The following AGAP1 variants were observed in gnomAD, a reference collection of about 807,000 sequenced individuals.
AGAP1 encodes arf-GAP with GTPase, ANK repeat and PH domain-containing protein 1.
In AGAP1, 29 loss-of-function variants were observed where a neutral mutation model predicts 105.3. The ratio of observed to expected loss-of-function variants is 0.28; its 90% CI spans 0.21 to 0.38. The LOEUF is 0.38. Ranked by LOEUF, AGAP1 falls within the 10% of genes least tolerant of loss-of-function variation. AGAP1 has a pLI of 1.00. For synonymous variants in AGAP1, 509 were observed against 485.9 expected, an observed-to-expected ratio of 1.05 and a Z score of -0.63; for missense variants, 998 against 1,165.1, an observed-to-expected ratio of 0.86 and a Z score of 2.09.
Position 235,968,532 on chromosome 2 carries a change from G to GC in AGAP1, c.1560dup (p.Ser521LeufsTer16). 1 of 1,466,658 alleles carries GC rather than the reference G, an allele frequency of 6.8e-7. No individual in the cohort carries two copies. Among genetic ancestry groups the GC allele is most frequent in the Non-Finnish European group, 9.0e-7 (1 of 1,113,530 alleles). The allele number at this position is 1,466,658 out of a possible 1,614,324, so 90.9% of individuals were successfully genotyped here. A position where few individuals can be genotyped will look rare whatever the true frequency, so the allele number is the denominator to read the frequency against. On this transcript the variant is annotated frameshift_variant, in exon 13 of 18. Coordinates refer to ENST00000304032, the MANE Select transcript of AGAP1 (RefSeq NM_001037131.3). LOFTEE classifies it high-confidence loss of function. Reference sequence around the variant, plus strand: ...GCACCACCAGCCCCAAGCTCGACCCGCCCCCCTCCCCTCACGCCAACAGAA... The same window carrying GC: ...GCACCACCAGCCCCAAGCTCGACCCGCCCCCCCTCCCCTCACGCCAACAGAA...
rs568644311 is a variant in AGAP1 at position 236,016,306 on chromosome 2, G to GT, written c.1646-20249dup. ...AGGGTATTAGTATACTCTTTTCACC[G>GT]TTTTTTAAATGTTTTTCAACTTAGC... On this transcript the variant is annotated intron_variant, in intron 13 of 17. Transcript: ENST00000304032. Among the ~76,000 whole-genome samples the GT allele has an allele frequency of 3.9e-3, 574 of 148,072 alleles. 1 individual carries two copies. The highest frequency in any genetic ancestry group is 5.3e-3 in the Non-Finnish European group (355 of 67,232).
At position 235,608,046 on chromosome 2, in the gene AGAP1, C is replaced by T. The variant is rs1293574745; in HGVS notation, c.164-101133C>T. Among the ~76,000 whole-genome samples the T allele has an allele frequency of 6.6e-6, 1 of 152,206 alleles. No individual in the cohort carries two copies. The highest frequency in any genetic ancestry group is 1.9e-4 in the East Asian group (1 of 5,190). On this transcript the variant is annotated intron_variant, in intron 1 of 17. Transcript: ENST00000304032. This position sits in a 1 kb window ranked among gnomAD's most constrained non-coding sequence, Gnocchi z 5.4. The stretch of plus-strand genomic sequence containing the variant: ...TGGATGCTGAAGAGATTACCCCTGA[C>T]TTCATAGTCTGCCTGTCTCAGAGCG...
rs1949664540 is a variant in AGAP1, at chr2:235,690,037, T to C, written c.164-19142T>C. 6.6e-6 allele frequency among the ~76,000 whole-genome samples: 1 copy of C among 152,088 alleles called. No homozygotes were observed. Among genetic ancestry groups the C allele is most frequent in the Admixed American group, 6.5e-5 (1 of 15,274 alleles). On this transcript the variant is annotated intron_variant, in intron 1 of 17. Transcript: ENST00000304032. This position sits in a 1 kb window ranked among gnomAD's most constrained non-coding sequence, Gnocchi z 4.1. ...AGTGATATCACAGCAAATGCAAAGG[T>C]GACTGGGAGTTCTAAGCCCCTGGGT...
intron 13 of AGAP1, among the ~76,000 whole-genome samples, chr2:235,990,700 G>A (rs919057256): frequency 1.3e-5 from 2 of 152,188 alleles, no homozygotes; most frequent in Non-Finnish European, 2.9e-5. Context: ...AGTCAACACA[G>A]TCAGAGTCCC....
chr2:235,725,588 A>G lies in AGAP1; in HGVS notation c.310+7944A>G, dbSNP rs1014899865. Among the ~76,000 whole-genome samples, 3 of 152,152 alleles carry G rather than the reference A, an allele frequency of 2.0e-5. No homozygotes were observed. The highest frequency in any genetic ancestry group is 6.5e-5 in the Admixed American group (1 of 15,276). On this transcript the variant is annotated intron_variant, in intron 3 of 17. Transcript: ENST00000304032. This position sits in a 1 kb window ranked among gnomAD's most constrained non-coding sequence, Gnocchi z 5.7. ...TAGCCATTTAGATTTTTCAACCTCA[A>G]TTTGACCGTTAGTTGCAACCAAGTG...
rs997132380 is a variant in AGAP1, at chr2:235,973,176, T to A, written c.1645+4553T>A. ...TGGGCCGTTCCTGCCCTGGAGTTTC[T>A]CCCTGCGCAGGTGCTCGCTGTGCTC... On this transcript the variant is annotated intron_variant, in intron 13 of 17. Coordinates refer to ENST00000304032, the MANE Select transcript of AGAP1 (RefSeq NM_001037131.3). The surrounding 1 kb of genome is among the most constrained non-coding windows in gnomAD (Gnocchi z 4.7). 6.6e-6 allele frequency among the ~76,000 whole-genome samples: 1 copy of A among 152,192 alleles called. No homozygotes were observed. The highest frequency in any genetic ancestry group is 6.5e-5 in the Admixed American group (1 of 15,284).
Position 236,061,302 on chromosome 2 carries a change from A to G in AGAP1, c.2114+12021A>G, listed in dbSNP as rs140559540. Reference sequence around the variant, plus strand: ...GGAAGATAGTCTGGCACTTCCTCGAAAAGTTAAACCTAGAGTTACCGTATG... The same window carrying G: ...GGAAGATAGTCTGGCACTTCCTCGAGAAGTTAAACCTAGAGTTACCGTATG... On this transcript the variant is annotated intron_variant, in intron 16 of 17. Transcript: ENST00000304032. This position sits in a 1 kb window ranked among gnomAD's most constrained non-coding sequence, Gnocchi z 4.1. Among the ~76,000 whole-genome samples, 30 of 152,298 alleles carry G rather than the reference A, an allele frequency of 2.0e-4. No homozygotes were observed. The East Asian group carries it at 5.8e-3, about 29-fold the overall frequency.
In AGAP1 at chr2:235,691,180, C is replaced by G. The variant is rs572913974; in HGVS notation, c.164-17999C>G. Among the ~76,000 whole-genome samples, 2 of 152,184 alleles carry G rather than the reference C, an allele frequency of 1.3e-5. No individual in the cohort carries two copies. The highest frequency in any genetic ancestry group is 1.3e-4 in the Admixed American group (2 of 15,284). On this transcript the variant is annotated intron_variant, in intron 1 of 17. Transcript: ENST00000304032. This position sits in a 1 kb window ranked among gnomAD's most constrained non-coding sequence, Gnocchi z 4.4. ...TTGGTCCCTTCTGAGAGACCCCAGC[C>G]CCGAGAGGCTCTGGGCTGCTGGATG...
At chr2:236,072,240 G>A (rs1323267045) in intron 16 of AGAP1, 1 of 150,822 alleles carries the variant, frequency 6.6e-6, no homozygotes, top group Non-Finnish European at 1.5e-5. Context: ...AAGAGATCGA[G>A]ACCATCTTGG....
Position 236,108,201 on chromosome 2 carries a change from G to C in AGAP1, c.2115-11991G>C, listed in dbSNP as rs755505632. 5.7e-4 allele frequency among the ~76,000 whole-genome samples: 87 copies of C among 152,318 alleles called. 1 individual carries two copies. Among genetic ancestry groups the C allele is most frequent in the African/African-American group, 2.1e-3 (86 of 41,574 alleles). On this transcript the variant is annotated intron_variant, in intron 16 of 17. Transcript: ENST00000304032. ...ATGCAAGGGGGAGGCAGCTGTCAGC[G>C]CCCGCTCGCAGTGGGCCGGGGTCTT...
intron 1 of AGAP1, among the ~76,000 whole-genome samples, chr2:235,531,124 C>T (rs952972884): frequency 6.6e-6 from 1 of 152,220 alleles, no homozygotes; most frequent in Non-Finnish European, 1.5e-5. Context: ...AATCTAGACT[C>T]AGCACAAGGA....
intron 9 of AGAP1, among the ~76,000 whole-genome samples, chr2:235,846,319 GTTAT>G (rs539482960): frequency 2.0e-5 from 3 of 152,150 alleles, no homozygotes; most frequent in Non-Finnish European, 4.4e-5. Flanking sequence ...GGTTCTATGG[GTTAT>G]TTATTTATTA....
chr2:235,991,586 G>C (rs374423093), intron 13 of AGAP1, among the ~76,000 whole-genome samples: 1 of 152,170 alleles, frequency 6.6e-6, no homozygotes, highest in Admixed American at 6.5e-5. Context: ...ATTTCATTTC[G>C]TATAAGATTA....
At chr2:236,037,753 A>T (rs2057426605) in intron 14 of AGAP1, among the ~76,000 whole-genome samples, 1 of 152,264 alleles carries the variant, frequency 6.6e-6, no homozygotes, top group East Asian at 1.9e-4. Context: ...TCCTTCTACA[A>T]AAGTCCTTTT....
At chr2:235,501,008 C>T (rs1437583202) in intron 1 of AGAP1, among the ~76,000 whole-genome samples, 1 of 152,170 alleles carries the variant, frequency 6.6e-6, no homozygotes, top group Non-Finnish European at 1.5e-5. Flanking sequence ...GCCTCAATAC[C>T]CTGTATGGCC....
chr2:235,810,846 T>TC (rs979636523), intron 9 of AGAP1, among the ~76,000 whole-genome samples: 1 of 150,650 alleles, frequency 6.6e-6, no homozygotes, highest in Non-Finnish European at 1.5e-5. Context: ...TTTTTTTTTT[T>TC]TTTTTTTTAC....
intron 1 of AGAP1, among the ~76,000 whole-genome samples, chr2:235,606,230 C>CT (rs1013747167): frequency 2.0e-5 from 3 of 152,166 alleles, no homozygotes. Flanking sequence ...TGCGGCTGCC[C>CT]TTTTTTAACC....
chr2:235,555,942 G>A lies in AGAP1; in HGVS notation c.163+61093G>A, dbSNP rs940891909. Among the ~76,000 whole-genome samples the A allele has an allele frequency of 7.9e-5, 12 of 152,222 alleles. No individual in the cohort carries two copies. The highest frequency in any genetic ancestry group is 3.9e-4 in the Admixed American group (6 of 15,286). ...ACCTGCTCTGGGCCATGTACACAAT[G>A]AGGCAAAGCAATACTTAGACCTCAA... On this transcript the variant is annotated intron_variant, in intron 1 of 17. Coordinates refer to ENST00000304032, the MANE Select transcript of AGAP1 (RefSeq NM_001037131.3). This position sits in a 1 kb window ranked among gnomAD's most constrained non-coding sequence, Gnocchi z 5.1.
intron 8 of AGAP1, among the ~76,000 whole-genome samples, chr2:235,803,322 C>T (rs1575508544): frequency 1.3e-5 from 2 of 152,166 alleles, no homozygotes; most frequent in Non-Finnish European, 2.9e-5. Context: ...ATTGTGAAAT[C>T]ATAGCAATTA....
Sources: allele counts gnomAD v4.1 joint callset (sites outside exome capture counted in the v4.1 genomes callset), GRCh38; gene constraint gnomAD v4.1.1; non-coding constraint Gnocchi (gnomAD v3.1); transcripts MANE v1.5; gene names NCBI Gene and HGNC (gene_info 2026-07-23, HGNC 2026-07-21).